Variants in DDHD1 observed in about 807,000 individuals in gnomAD.
DDHD1 encodes phospholipase DDHD1.
DDHD1 carries 49 observed loss-of-function variants against 96.4 expected under a neutral mutation model. The ratio of observed to expected loss-of-function variants is 0.51; its 90% CI spans 0.40 to 0.64. The LOEUF (loss-of-function observed/expected upper bound fraction) is 0.64, where lower values mean the gene tolerates loss of function less well. DDHD1 is among the 30% of genes least tolerant of loss of function. The pLI, the probability that DDHD1 is intolerant of heterozygous loss-of-function variation, is 0.00. For missense variants in DDHD1, 1,106 were observed against 1,161.2 expected (o/e 0.95, Z 0.69); for synonymous variants, 442 against 446.5 (o/e 0.99, Z 0.13).
At chr14:53,076,605 CA>C (rs1884981283) in intron 4 of DDHD1, among the ~76,000 whole-genome samples, 1 of 152,172 alleles carries the variant, frequency 6.6e-6, no homozygotes, top group South Asian at 2.1e-4. Flanking sequence ...GTAAGTTCTA[CA>C]GTGGGTAAAA....
At position 53,055,776 on chromosome 14, in the gene DDHD1, G is replaced by A. The variant is rs1268116180; in HGVS notation, c.2129C>T (p.Thr710Ile). The A allele has an allele frequency of 6.2e-7, 1 of 1,614,066 alleles. No homozygotes were observed. Among genetic ancestry groups the A allele is most frequent in the Non-Finnish European group, 8.5e-7 (1 of 1,180,008 alleles). Residue 710 changes from threonine to isoleucine, a missense_variant, in exon 10 of 13, where the codon ACC (threonine) becomes ATC (isoleucine). Physicochemically the swap from Thr to Ile is moderately conservative, Grantham distance 89 (BLOSUM62 -1). Coordinates refer to ENST00000673822, the MANE Select transcript of DDHD1 (RefSeq NM_001160148.2). ...PSFLNPAKEPTSVSENEGIST... is the reference protein window; with the variant it reads ...PSFLNPAKEPISVSENEGIST... ...AATGCCTTCATTCTCTGAAACTGAG[G>A]TAGGTTCTTTAGCTGGGTTGAGAAA...
At chr14:53,115,262 G>T (rs568193973) in intron 1 of DDHD1, among the ~76,000 whole-genome samples, 14 of 152,300 alleles carry the variant, frequency 9.2e-5, no homozygotes, top group Admixed American at 2.6e-4. Context: ...TGGTATACCT[G>T]AAAGTGGTGG....
At chr14:53,104,020 T>C (rs1887506878) in intron 1 of DDHD1, among the ~76,000 whole-genome samples, 164 bp from the exon 2 acceptor site, 3 of 152,236 alleles carry the variant, frequency 2.0e-5, no homozygotes, top group Admixed American at 2.0e-4. Flanking sequence ...TATTTTGAGA[T>C]ATTTATCTTG....
chr14:53,070,212 A>G (rs1020248127), intron 6 of DDHD1, among the ~76,000 whole-genome samples: 2 of 152,182 alleles, frequency 1.3e-5, no homozygotes, highest in Non-Finnish European at 2.9e-5. Context: ...CTGTGCTATA[A>G]AACTCCAGAA....
Position 53,136,189 on chromosome 14 carries a change from G to T in DDHD1, c.838+16072C>A, listed in dbSNP as rs1361759086. Among the ~76,000 whole-genome samples the T allele has an allele frequency of 2.6e-5, 4 of 152,220 alleles. No individual in the cohort carries two copies. The East Asian group carries it at 7.7e-4, about 29-fold the overall frequency. Reference sequence around the variant, plus strand: ...ACCTCCACCACCTATCCCAAAACCTGTAAGAACTAATGATAATCCACCACC... The same window carrying T: ...ACCTCCACCACCTATCCCAAAACCTTTAAGAACTAATGATAATCCACCACC... On this transcript the variant is annotated intron_variant, in intron 1 of 12. Transcript: ENST00000673822.
chr14:53,084,794 T>C (rs1046794250), intron 4 of DDHD1, among the ~76,000 whole-genome samples: 4 of 152,054 alleles, frequency 2.6e-5, no homozygotes, highest in Non-Finnish European at 4.4e-5. Context: ...GTGCAGCCCA[T>C]GGAGGGCAAG....
intron 1 of DDHD1, among the ~76,000 whole-genome samples, chr14:53,132,366 A>G (rs750449453): frequency 1.3e-5 from 2 of 151,864 alleles, no homozygotes; most frequent in East Asian, 1.9e-4. Flanking sequence ...CCCAGCATTC[A>G]CTTCATTTCC....
chr14:53,110,897 AC>A (rs1888049883), intron 1 of DDHD1, among the ~76,000 whole-genome samples: 2 of 152,104 alleles, frequency 1.3e-5, no homozygotes, highest in South Asian at 4.1e-4. Flanking sequence ...AATCTCTTGA[AC>A]CCGGGAGGCG....
intron 1 of DDHD1, among the ~76,000 whole-genome samples, chr14:53,109,785 T>C (rs1336829531): frequency 6.6e-6 from 1 of 152,208 alleles, no homozygotes; most frequent in Non-Finnish European, 1.5e-5. Flanking sequence ...AATAATTTGC[T>C]TAAAGGCACA....
At chr14:53,053,781 T>G (rs562191172) in intron 11 of DDHD1, 1 of 152,182 alleles carries the variant, frequency 6.6e-6, no homozygotes, top group Non-Finnish European at 1.5e-5. Flanking sequence ...AAAATAATGT[T>G]CAAGTTCAGA....
Position 53,091,899 on chromosome 14 carries a change from T to G in DDHD1, c.1175A>C (p.Tyr392Ser). The G allele has an allele frequency of 6.2e-7, 1 of 1,613,260 alleles. No individual in the cohort carries two copies. The highest frequency in any genetic ancestry group is 8.5e-7 in the Non-Finnish European group (1 of 1,179,484). The change falls in exon 4 of 13, where the codon TAT (tyrosine) becomes TCT (serine). Residue 392 changes from tyrosine (Y) to serine (S), a missense_variant. Coordinates refer to ENST00000673822, the MANE Select transcript of DDHD1 (RefSeq NM_001160148.2). ...GTCTTCTAATGTGGCTTCTTCTACA[T>G]AACCTCTATGAAGTCTGGTACCACT... ...SSSGTRLHRG[Y>S]VEEATLEDKP...
chr14:53,103,962 G>A lies in DDHD1; in HGVS notation c.839-106C>T, dbSNP rs1355533090. On this transcript the variant is annotated intron_variant, in intron 1 of 12. Transcript: ENST00000673822. ...TTTTGCTACTGCTGTCACAAAAACAGATTTTCATGACCCAATACAATCATC... is the reference window on the plus strand; with the variant it reads ...TTTTGCTACTGCTGTCACAAAAACAAATTTTCATGACCCAATACAATCATC... The A allele has an allele frequency of 3.4e-5, 31 of 918,842 alleles. No individual in the cohort carries two copies. In the East Asian group the frequency reaches 8.1e-4, roughly 24 times the overall value. The allele number at this position is 918,842 out of a possible 1,614,324, so 56.9% of individuals were successfully genotyped here.
chr14:53,083,405 T>C (rs1321478184), intron 4 of DDHD1, among the ~76,000 whole-genome samples: 1 of 152,204 alleles, frequency 6.6e-6, no homozygotes, highest in East Asian at 1.9e-4. Flanking sequence ...TTCAATTGTA[T>C]TTAAAATGCC....
chr14:53,049,657 CAAAAAAAA>C lies in DDHD1; in HGVS notation c.2521+2179_2521+2186del, dbSNP rs11323291. On this transcript the variant is annotated intron_variant, in intron 12 of 12. Transcript: ENST00000673822. Reference sequence around the variant, plus strand: ...CCTGGTTTCTCTAACTGAGCTAGGTCAAAAAAAAAAAAAAAAAAAAAAAGAACATAAAT... The same window carrying C: ...CCTGGTTTCTCTAACTGAGCTAGGTCAAAAAAAAAAAAAAAGAACATAAAT... Among the ~76,000 whole-genome samples, 173 of 84,732 alleles carry C rather than the reference CAAAAAAAA, an allele frequency of 2.0e-3. 2 individuals carry two copies. The South Asian group carries it at 0.037, about 18-fold the overall frequency. The allele number at this position is 84,732 out of a possible 152,430, so 55.6% of individuals were successfully genotyped here.
rs1301973167 is a variant in DDHD1 at position 53,063,105 on chromosome 14, G to A, written c.1604C>T (p.Ser535Leu). 6.2e-7 allele frequency: 1 copy of A among 1,614,024 alleles called. No individual in the cohort carries two copies. Among genetic ancestry groups the A allele is most frequent in the Non-Finnish European group, 8.5e-7 (1 of 1,179,996 alleles). Residue 535 changes from serine (S) to leucine (L), a missense_variant, in exon 7 of 13, where the codon TCA (serine) becomes TTA (leucine). Transcript: ENST00000673822. ...AGTAATTACACATCCCAAGGAATGT[G>A]ATACTATTGAGACTTTACCCCCTTT... is the stretch of plus-strand genomic sequence containing the variant. The part of the protein sequence containing the change: ...EEKGGKVSIV[S>L]HSLGCVITYD...
intron 4 of DDHD1, among the ~76,000 whole-genome samples, chr14:53,090,851 C>A (rs1886375016): frequency 6.6e-6 from 1 of 151,712 alleles, no homozygotes; most frequent in Admixed American, 6.6e-5. Flanking sequence ...TGCACATGTA[C>A]CCTAGAACTT....
At chr14:53,086,483 G>A (rs1885964503) in intron 4 of DDHD1, among the ~76,000 whole-genome samples, 1 of 152,194 alleles carries the variant, frequency 6.6e-6, no homozygotes, top group South Asian at 2.1e-4. Flanking sequence ...CCAGAAGAGA[G>A]TGGGGGCCAA....
intron 4 of DDHD1, among the ~76,000 whole-genome samples, chr14:53,088,604 T>C (rs906643439): frequency 1.3e-5 from 2 of 152,178 alleles, no homozygotes; most frequent in African/African-American, 2.4e-5. Context: ...GAAAAGGCCT[T>C]TGACAAAATT....
At chr14:53,055,191 C>T (rs1882936686) in intron 10 of DDHD1, among the ~76,000 whole-genome samples, 1 of 152,170 alleles carries the variant, frequency 6.6e-6, no homozygotes, top group Admixed American at 6.5e-5. Flanking sequence ...AACATTGTGC[C>T]AGTACTGGAG....
Sources: gnomAD v4.1 joint callset for allele counts (sites outside exome capture counted in the v4.1 genomes callset) on GRCh38, gnomAD v4.1.1 for gene constraint, MANE v1.5 for transcripts, NCBI Gene and HGNC (gene_info 2026-07-23, HGNC 2026-07-21) for gene names.